Variants in PCDH9 observed in about 807,000 individuals in gnomAD.
The protein encoded by PCDH9 is protocadherin 9, also known as protocadherin-9.
PCDH9 carries 24 observed loss-of-function variants against 70.6 expected under a neutral mutation model. The observed-to-expected ratio is 0.34, with a 90% CI of 0.25 to 0.48. The LOEUF (loss-of-function observed/expected upper bound fraction) is 0.48. PCDH9 is among the 20% of genes least tolerant of loss of function. The probability of loss-of-function intolerance (pLI) is 0.99; values close to 1 mark genes in which losing one functional copy is unlikely to be tolerated. For missense variants in PCDH9, 1,281 were observed against 1,503.6 expected, an observed-to-expected ratio of 0.85 and a Z score of 2.45; for synonymous variants, 562 against 558.5, an observed-to-expected ratio of 1.01 and a Z score of -0.09.
rs553839611 is a variant in PCDH9, at chr13:66,444,495, T to C, written c.3341-139467A>G. 2.2e-4 allele frequency among the ~76,000 whole-genome samples: 34 copies of C among 152,292 alleles called. No individual in the cohort carries two copies. In the South Asian group the frequency reaches 7.0e-3, roughly 32 times the overall value. ...TTTGCTTTCTCCTAATAAGACTTTT[T>C]TTTTTCCTGCAAAGAGCATTAGAGA... is the stretch of plus-strand genomic sequence containing the variant. On this transcript the variant is annotated intron_variant, in intron 4 of 4. Transcript: ENST00000377865.
chr13:66,454,947 A>T (rs1194639193), intron 4 of PCDH9, among the ~76,000 whole-genome samples: 1 of 152,170 alleles, frequency 6.6e-6, no homozygotes, highest in East Asian at 1.9e-4. Flanking sequence ...GGGGGAATTC[A>T]TTTTAAAAAC....
At chr13:66,731,024 T>C (rs2079072968) in intron 3 of PCDH9, among the ~76,000 whole-genome samples, 2 of 151,576 alleles carry the variant, frequency 1.3e-5, no homozygotes, top group Non-Finnish European at 1.5e-5. Context: ...GGCCCAGGCG[T>C]ATAATATATA....
At chr13:66,445,639 CAT>C (rs1241625568) in intron 4 of PCDH9, among the ~76,000 whole-genome samples, 4 of 139,512 alleles carry the variant, frequency 2.9e-5, no homozygotes, top group Non-Finnish European at 4.6e-5. Context: ...ATTATATACA[CAT>C]ATATATTATA....
At chr13:67,163,936 G>T (rs892339879) in intron 2 of PCDH9, among the ~76,000 whole-genome samples, 3 of 152,082 alleles carry the variant, frequency 2.0e-5, no homozygotes, top group African/African-American at 7.2e-5. Context: ...GATAATGGGG[G>T]TCTCTTAAGT....
intron 4 of PCDH9, among the ~76,000 whole-genome samples, chr13:66,596,140 G>C (rs1447447881): frequency 1.3e-5 from 2 of 151,486 alleles, no homozygotes; most frequent in Non-Finnish European, 3.0e-5. Context: ...CAATATTGAA[G>C]GTAACTAAGG....
chr13:66,715,962 G>A (rs2078861661), intron 3 of PCDH9, among the ~76,000 whole-genome samples: 1 of 152,196 alleles, frequency 6.6e-6, no homozygotes, highest in South Asian at 2.1e-4. Flanking sequence ...ACAGGTAGTA[G>A]AGAGGTAGTA....
chr13:66,399,450 G>C (rs571362122), intron 4 of PCDH9, among the ~76,000 whole-genome samples: 1 of 152,186 alleles, frequency 6.6e-6, no homozygotes, highest in African/African-American at 2.4e-5. Context: ...TCTTCTTTTG[G>C]CCATGCTTAA....
At chr13:67,209,332 C>T (rs1241980975) in intron 2 of PCDH9, 1 of 152,110 alleles carries the variant, frequency 6.6e-6, no homozygotes, top group African/African-American at 2.4e-5. Context: ...GTGTTTAGAA[C>T]ATTTTAAGGA....
chr13:67,122,719 A>T (rs1209275429), intron 2 of PCDH9, among the ~76,000 whole-genome samples: 2 of 151,582 alleles, frequency 1.3e-5, no homozygotes, highest in South Asian at 2.1e-4. Flanking sequence ...GGTTGCAGGG[A>T]GCTGAGATCG....
intron 2 of PCDH9, among the ~76,000 whole-genome samples, chr13:67,140,907 C>T (rs2087368072): frequency 1.3e-5 from 2 of 152,100 alleles, no homozygotes; most frequent in African/African-American, 4.8e-5. Flanking sequence ...ATATTCTTTC[C>T]TCGGTCAGTT....
intron 4 of PCDH9, among the ~76,000 whole-genome samples, chr13:66,347,336 A>G (rs951847832): frequency 1.3e-5 from 2 of 152,164 alleles, no homozygotes; most frequent in Admixed American, 1.3e-4. Context: ...AAATGTCTTT[A>G]ACAGTTATAA....
intron 4 of PCDH9, among the ~76,000 whole-genome samples, chr13:66,555,838 T>A (rs1358584369): frequency 1.3e-5 from 2 of 150,558 alleles, no homozygotes; most frequent in Admixed American, 1.3e-4. Context: ...ATAAGTACCA[T>A]GAAATTTTAA....
At chr13:66,700,601 C>T (rs1354619858) in intron 3 of PCDH9, among the ~76,000 whole-genome samples, 1 of 151,904 alleles carries the variant, frequency 6.6e-6, no homozygotes, top group Non-Finnish European at 1.5e-5. Flanking sequence ...ATTGGAAGGC[C>T]AGCTTGAAAA....
At chr13:66,977,748 A>T (rs2083650850) in intron 2 of PCDH9, among the ~76,000 whole-genome samples, 1 of 152,092 alleles carries the variant, frequency 6.6e-6, no homozygotes. Context: ...ATCATCCTAA[A>T]AGCAGCATCA....
At chr13:66,836,932 G>A (rs1471715251) in intron 3 of PCDH9, among the ~76,000 whole-genome samples, 1 of 152,070 alleles carries the variant, frequency 6.6e-6, no homozygotes, top group South Asian at 2.1e-4. Context: ...AACAGCGCTC[G>A]AGTACAAAAT....
intron 4 of PCDH9, among the ~76,000 whole-genome samples, chr13:66,367,007 C>A (rs936801932): frequency 1.3e-5 from 2 of 152,052 alleles, no homozygotes; most frequent in Admixed American, 1.3e-4. Flanking sequence ...TCTTTCATTT[C>A]CTATTTTTAA....
chr13:66,381,533 C>T (rs1956848471), intron 4 of PCDH9, among the ~76,000 whole-genome samples: 1 of 152,080 alleles, frequency 6.6e-6, no homozygotes, highest in Non-Finnish European at 1.5e-5. Context: ...ATTAAAACAG[C>T]GTTCTCTGAA....
intron 2 of PCDH9, among the ~76,000 whole-genome samples, chr13:67,102,889 A>G (rs1339544497): frequency 6.6e-6 from 1 of 152,150 alleles, no homozygotes; most frequent in East Asian, 1.9e-4. Flanking sequence ...CTAATGAAAA[A>G]TCTGCTTGAG....
At chr13:66,593,864 C>G (rs2077068142) in intron 4 of PCDH9, among the ~76,000 whole-genome samples, 1 of 151,690 alleles carries the variant, frequency 6.6e-6, no homozygotes, top group Non-Finnish European at 1.5e-5. Flanking sequence ...AATTCTTCTA[C>G]ACATCTGTAG....
Sources: gnomAD v4.1 joint callset for allele counts (sites outside exome capture counted in the v4.1 genomes callset) on GRCh38, gnomAD v4.1.1 for gene constraint, MANE v1.5 for transcripts, NCBI Gene and HGNC (gene_info 2026-07-23, HGNC 2026-07-21) for gene names.